The following CEP20 variants were observed in gnomAD, a reference collection of about 807,000 sequenced individuals.
CEP20 encodes the protein FGFR1OP N-terminal like.
A neutral mutation model predicts 20.0 loss-of-function variants in CEP20; 18 were observed. The ratio of observed to expected loss-of-function variants is 0.90; its 90% CI spans 0.62 to 1.34. The LOEUF (loss-of-function observed/expected upper bound fraction) is 1.34, where lower values mean the gene tolerates loss of function less well. Among genes scored for constraint, CEP20 ranks in the 40% most tolerant of loss-of-function variants. The pLI is 0.00. For missense variants in CEP20, 215 were observed against 201.6 expected (o/e 1.07, Z -0.40); for synonymous variants, 77 against 73.7 (o/e 1.04, Z -0.23).
chr16:15,879,648 C>T (rs1489945611), intron 3 of CEP20, among the ~76,000 whole-genome samples, 156 bp downstream of exon 3: 1 of 152,090 alleles, frequency 6.6e-6, no homozygotes. Flanking sequence ...ACACAGATCT[C>T]ATCTGACTTA....
chr16:15,872,662 T>C (rs2044849252), intron 4 of CEP20, among the ~76,000 whole-genome samples: 1 of 151,958 alleles, frequency 6.6e-6, no homozygotes, highest in Non-Finnish European at 1.5e-5. Context: ...TGAGCTATAA[T>C]AGCACCACTG....
In CEP20 at chr16:15,865,809, C is replaced by T. The variant is rs1206070756; in HGVS notation, c.*1631G>A. On this transcript the variant is annotated 3_prime_UTR_variant, in exon 5 of 5. Coordinates refer to ENST00000255759, the MANE Select transcript of CEP20 (RefSeq NM_144600.4). ...AATTACAGAATAATGCATATAAAAG[C>T]GCTATGGACTACACGTGACAATTCT... 6.6e-6 allele frequency: 1 copy of T among 151,960 alleles called. No homozygotes were observed. Among genetic ancestry groups the T allele is most frequent in the Non-Finnish European group, 1.5e-5 (1 of 68,010 alleles). The allele number at this position is 151,960 out of a possible 1,614,324, so 9.4% of individuals were successfully genotyped here. A position where few individuals can be genotyped will look rare whatever the true frequency, so the allele number is the denominator to read the frequency against.
intron 4 of CEP20, among the ~76,000 whole-genome samples, chr16:15,871,644 T>C (rs181404552): frequency 6.6e-6 from 1 of 152,198 alleles, no homozygotes; most frequent in East Asian, 1.9e-4. Flanking sequence ...CTACAGGTCT[T>C]AGTTGAGTTA....
chr16:15,872,498 C>T (rs754258560), intron 4 of CEP20, among the ~76,000 whole-genome samples: 1 of 151,938 alleles, frequency 6.6e-6, no homozygotes, highest in Non-Finnish European at 1.5e-5. Context: ...CACTTAAGAC[C>T]GAGTTCAAGA....
chr16:15,876,066 CAAAA>C (rs199971058), intron 3 of CEP20, among the ~76,000 whole-genome samples: 2 of 96,750 alleles, frequency 2.1e-5, no homozygotes, highest in African/African-American at 4.1e-5. Flanking sequence ...TCATTGCACT[CAAAA>C]AAAAAAAAAA....
chr16:15,883,665 A>G (rs1043239341), intron 2 of CEP20, among the ~76,000 whole-genome samples: 2 of 152,086 alleles, frequency 1.3e-5, no homozygotes, highest in Admixed American at 6.6e-5. Flanking sequence ...TACCCAGCCT[A>G]TTTTTTAACA....
At chr16:15,867,928 G>C (rs1205411523) in intron 4 of CEP20, among the ~76,000 whole-genome samples, 1 of 146,588 alleles carries the variant, frequency 6.8e-6, no homozygotes, top group Non-Finnish European at 1.5e-5. Context: ...AGCCAAGATC[G>C]TGCCATTTCA....
intron 2 of CEP20, among the ~76,000 whole-genome samples, chr16:15,880,786 G>A (rs1429580946): frequency 6.6e-6 from 1 of 151,934 alleles, no homozygotes; most frequent in Non-Finnish European, 1.5e-5. Context: ...CCTGAGCTCA[G>A]CCTCCTGTTG....
intron 2 of CEP20, among the ~76,000 whole-genome samples, chr16:15,882,669 A>G (rs571116582): frequency 1.3e-5 from 2 of 152,194 alleles, no homozygotes; most frequent in African/African-American, 2.4e-5. Context: ...TTTTAGATAC[A>G]TACATTTGTA....
chr16:15,871,342 A>G (rs1176998914), intron 4 of CEP20, among the ~76,000 whole-genome samples: 1 of 150,832 alleles, frequency 6.6e-6, no homozygotes, highest in Admixed American at 6.6e-5. Flanking sequence ...AACTGCTAAC[A>G]GGGACACCTT....
intron 2 of CEP20, among the ~76,000 whole-genome samples, chr16:15,880,720 CAAGT>C (rs912465035): frequency 2.0e-5 from 3 of 151,988 alleles, no homozygotes; most frequent in South Asian, 4.2e-4. Flanking sequence ...AGTGGGCAAG[CAAGT>C]GAGGGAAGCT....
intron 2 of CEP20, among the ~76,000 whole-genome samples, 197 bp downstream of exon 2, chr16:15,883,811 G>C (rs926186891): frequency 6.6e-6 from 1 of 152,146 alleles, no homozygotes; most frequent in Non-Finnish European, 1.5e-5. Context: ...TATATGCCTA[G>C]TTTAAGTGAT....
Position 15,866,452 on chromosome 16 carries a change from G to A in CEP20, c.*988C>T, listed in dbSNP as rs946573694. On this transcript the variant is annotated 3_prime_UTR_variant, in exon 5 of 5. Coordinates refer to ENST00000255759, the MANE Select transcript of CEP20 (RefSeq NM_144600.4). Reference sequence around the variant, plus strand: ...ATCATCATAGTCAGTTGTTTTCAATGAAATGAGCCTGTGGACACTACATTA... The same window carrying A: ...ATCATCATAGTCAGTTGTTTTCAATAAAATGAGCCTGTGGACACTACATTA... 9 of 152,202 alleles carry A rather than the reference G, an allele frequency of 5.9e-5. No individual in the cohort carries two copies. The highest frequency in any genetic ancestry group is 2.2e-4 in the African/African-American group (9 of 41,462). 9.4% of individuals were successfully genotyped at this position (152,202 alleles called of 1,614,324 possible). A position where few individuals can be genotyped will look rare whatever the true frequency, so the allele number is the denominator to read the frequency against.
intron 3 of CEP20, among the ~76,000 whole-genome samples, chr16:15,876,864 T>G (rs1164276082): frequency 6.6e-6 from 1 of 151,810 alleles, no homozygotes; most frequent in Non-Finnish European, 1.5e-5. Context: ...TTTTTTTTTT[T>G]TTTTGGAAAC....
At chr16:15,873,900 T>A (rs1168218213) in intron 3 of CEP20, among the ~76,000 whole-genome samples, 1 of 144,160 alleles carries the variant, frequency 6.9e-6, no homozygotes, top group Non-Finnish European at 1.5e-5. Context: ...TTTCTATCAA[T>A]CCACAGGAAT....
chr16:15,867,442 A>T lies in CEP20; in HGVS notation c.523T>A (p.Ter175LysextTer17). Reference protein sequence around the residue: ...DLHVSQAVNR* With the variant: ...DLHVSQAVNRK The stretch of plus-strand genomic sequence containing the variant: ...CAAAAGATACCCCAAACAAAGCATT[A>T]TCTGTTGACTGCCTGAGAAACATGA... Residue 175 changes from the stop codon to lysine, a stop_lost, in exon 5 of 5, where the codon TAA (stop) becomes AAA (lysine). Transcript: ENST00000255759. The T allele has an allele frequency of 6.3e-7, 1 of 1,592,112 alleles. No individual in the cohort carries two copies. Among genetic ancestry groups the T allele is most frequent in the Non-Finnish European group, 8.6e-7 (1 of 1,167,168 alleles).
intron 1 of CEP20, among the ~76,000 whole-genome samples, chr16:15,887,429 C>A (rs764330712): frequency 6.6e-6 from 1 of 152,184 alleles, no homozygotes; most frequent in African/African-American, 2.4e-5. Context: ...CAAAGTGGAA[C>A]TGGTTTTATT....
intron 1 of CEP20, among the ~76,000 whole-genome samples, chr16:15,884,653 C>T (rs1020836886): frequency 6.6e-6 from 1 of 152,148 alleles, no homozygotes; most frequent in African/African-American, 2.4e-5. Context: ...AGGCACGTGC[C>T]ACCACGCCCA....
At chr16:15,868,754 G>T (rs2044744110) in intron 4 of CEP20, among the ~76,000 whole-genome samples, 1 of 151,904 alleles carries the variant, frequency 6.6e-6, no homozygotes, top group South Asian at 2.1e-4. Flanking sequence ...AGGTAACTTT[G>T]CTGGACAGAA....
Sources: allele counts gnomAD v4.1 joint callset (sites outside exome capture counted in the v4.1 genomes callset), GRCh38; gene constraint gnomAD v4.1.1; transcripts MANE v1.5; gene names NCBI Gene and HGNC (gene_info 2026-07-23, HGNC 2026-07-21).